MYO18A: variants seen among roughly 807,000 people sequenced by gnomAD.
MYO18A encodes the protein myosin XVIIIA.
Under a neutral mutation model 235.8 loss-of-function variants are expected in MYO18A, and 78 were observed. The observed-to-expected ratio is 0.33, with a 90% CI of 0.28 to 0.40. MYO18A has a LOEUF of 0.40. Ranked by LOEUF, MYO18A falls within the 10% of genes least tolerant of loss-of-function variation. The pLI, the probability that MYO18A is intolerant of heterozygous loss-of-function variation, is 1.00. For missense variants in MYO18A, 2,215 were observed against 2,699.3 expected (o/e 0.82, Z 3.98); for synonymous variants, 977 against 1,077.8 (o/e 0.91, Z 1.83).
intron 2 of MYO18A, among the ~76,000 whole-genome samples, chr17:29,137,651 G>T (rs1181841176): frequency 1.3e-5 from 2 of 152,150 alleles, no homozygotes; most frequent in Non-Finnish European, 2.9e-5. Context: ...CTCCAAATTG[G>T]AAAGAGCCCA....
Position 29,118,503 on chromosome 17 carries a change from A to C in MYO18A, c.1830-63T>G. 5 of 1,465,830 alleles carry C rather than the reference A, an allele frequency of 3.4e-6. No individual in the cohort carries two copies. Among genetic ancestry groups the C allele is most frequent in the Non-Finnish European group, 4.7e-6 (5 of 1,061,118 alleles). 90.8% of individuals were successfully genotyped at this position (1,465,830 alleles called of 1,614,324 possible). On this transcript the variant is annotated intron_variant, in intron 8 of 41. Coordinates refer to ENST00000527372, the MANE Select transcript of MYO18A (RefSeq NM_078471.4). The surrounding 1 kb of genome is among the most constrained non-coding windows in gnomAD (Gnocchi z 4.2). ...CCCCATGCCAAGGCCATTTCCGCCC[A>C]GGGTGGAGACAGACAGACTCAGCTT...
intron 2 of MYO18A, among the ~76,000 whole-genome samples, chr17:29,143,186 A>G (rs1355713843): frequency 1.3e-5 from 2 of 152,218 alleles, no homozygotes; most frequent in African/African-American, 4.8e-5. Context: ...GGGTTAAAAG[A>G]ATTAGTTCAT....
At chr17:29,136,248 A>T (rs867891442) in intron 2 of MYO18A, among the ~76,000 whole-genome samples, 179 of 74,580 alleles carry the variant, frequency 2.4e-3, no homozygotes, top group African/African-American at 4.4e-3. Flanking sequence ...AAAAAAAAAA[A>T]AAATATATAT....
At chr17:29,090,735 G>A in intron 35 of MYO18A, 75 bp downstream of exon 35, 2 of 1,534,654 alleles carry the variant, frequency 1.3e-6, no homozygotes, top group Non-Finnish European at 1.8e-6. Flanking sequence ...ACAAGCGGTT[G>A]TGCGGGGGAC....
Position 29,074,053 on chromosome 17 carries a change from T to A in MYO18A, c.*717A>T, listed in dbSNP as rs2065921757. ...CGGATGGTCCACACACACACTTGTC[T>A]GCGTAGGCTTGCTCAACCCAGCCCA... is the stretch of plus-strand genomic sequence containing the variant. On this transcript the variant is annotated 3_prime_UTR_variant, in exon 42 of 42. Transcript: ENST00000527372. This position sits in a 1 kb window ranked among gnomAD's most constrained non-coding sequence, Gnocchi z 4.4. 3 of 1,613,962 alleles carry A rather than the reference T, an allele frequency of 1.9e-6. No individual in the cohort carries two copies. The African/African-American group carries it at 4.0e-5, about 22-fold the overall frequency.
intron 34 of MYO18A, chr17:29,091,962 A>G (rs1179471629): frequency 6.2e-6 from 2 of 322,658 alleles, no homozygotes; most frequent in African/African-American, 2.1e-5. Context: ...GGGCAGGGGG[A>G]AGGGGAAGGA....
At position 29,110,445 on chromosome 17, in the gene MYO18A, C is replaced by T. The variant is rs1262403692; in HGVS notation, c.3078G>A (p.Lys1026=). Reference sequence around the variant, plus strand: ...CCCGGCTGGCACTCACCACCTGTAGCTTCATCTGGATGCACAGTGACTTCT... The same window carrying T: ...CCCGGCTGGCACTCACCACCTGTAGTTTCATCTGGATGCACAGTGACTTCT... ...VKKKSLCIQM[K]LQVDALIDTI... Residue 1026 remains lysine, a synonymous_variant, in exon 18 of 42, where the codon AAG becomes AAA. Coordinates refer to ENST00000527372, the MANE Select transcript of MYO18A (RefSeq NM_078471.4). 8 of 1,587,730 alleles carry T rather than the reference C, an allele frequency of 5.0e-6. No individual in the cohort carries two copies. Among genetic ancestry groups the T allele is most frequent in the Non-Finnish European group, 6.9e-6 (8 of 1,167,502 alleles).
At chr17:29,127,699 C>T (rs907058174) in intron 2 of MYO18A, among the ~76,000 whole-genome samples, 2 of 152,376 alleles carry the variant, frequency 1.3e-5, no homozygotes, top group African/African-American at 4.8e-5. Flanking sequence ...GAAAGCCATG[C>T]AGCCCCTGCC....
At chr17:29,178,788 A>G (rs2068587892) in intron 1 of MYO18A, among the ~76,000 whole-genome samples, 1 of 152,202 alleles carries the variant, frequency 6.6e-6, no homozygotes, top group African/African-American at 2.4e-5. Flanking sequence ...CAGGGCACCA[A>G]CCTGCTCAAG....
In MYO18A at chr17:29,180,113, C is replaced by T. The variant is rs1461126110; in HGVS notation, c.-82+200G>A. Among the ~76,000 whole-genome samples, 1 of 151,996 alleles carries T rather than the reference C, an allele frequency of 6.6e-6. No homozygotes were observed. Among genetic ancestry groups the T allele is most frequent in the Non-Finnish European group, 1.5e-5 (1 of 67,918 alleles). On this transcript the variant is annotated intron_variant, in intron 1 of 41. Transcript: ENST00000527372. This position sits in a 1 kb window ranked among gnomAD's most constrained non-coding sequence, Gnocchi z 6.1. ...CCCCGCCGCTCCCGATCGGCCCCCACCCCCGGGCGTCGAGCTCCACGGCGC... is the reference window on the plus strand; with the variant it reads ...CCCCGCCGCTCCCGATCGGCCCCCATCCCCGGGCGTCGAGCTCCACGGCGC...
Position 29,074,122 on chromosome 17 carries a change from G to A in MYO18A, c.*648C>T, listed in dbSNP as rs577219732. 4 of 1,613,974 alleles carry A rather than the reference G, an allele frequency of 2.5e-6. No individual in the cohort carries two copies. Among genetic ancestry groups the A allele is most frequent in the Middle Eastern group, 1.6e-4 (1 of 6,062 alleles). ...TCCGCACCTCATTCTTAAGAACCTG[G>A]ACCCGGCTCTCCTCACCAGCGTCTC... On this transcript the variant is annotated 3_prime_UTR_variant, in exon 42 of 42. Transcript: ENST00000527372. The surrounding 1 kb of genome is among the most constrained non-coding windows in gnomAD (Gnocchi z 4.4).
chr17:29,173,891 C>T (rs1469043346), intron 1 of MYO18A, among the ~76,000 whole-genome samples: 1 of 152,170 alleles, frequency 6.6e-6, no homozygotes, highest in Non-Finnish European at 1.5e-5. Flanking sequence ...CCTGTCTTAG[C>T]CTCCTGAGTA....
In MYO18A at chr17:29,121,900, A is replaced by C. The variant is rs1293469164; in HGVS notation, c.1145T>G (p.Leu382Arg). 6.2e-7 allele frequency: 1 copy of C among 1,613,822 alleles called. No homozygotes were observed. Among genetic ancestry groups the C allele is most frequent in the South Asian group, 1.1e-5 (1 of 91,070 alleles). The stretch of plus-strand genomic sequence containing the variant: ...ATCCAGGATGGCCCCATCGTGGTCC[A>C]GCTTCACACGCACCTTCCCCTCAGG... ...NLPEGKVRVK[L>R]DHDGAILDVD... is the part of the protein sequence containing the mutation. The change falls in exon 4 of 42, where the codon CTG (leucine) becomes CGG (arginine). Residue 382 changes from leucine to arginine, a missense_variant. Leu to Arg is a moderately radical substitution (Grantham distance 102, BLOSUM62 -2). Coordinates refer to ENST00000527372, the MANE Select transcript of MYO18A (RefSeq NM_078471.4). This position sits in a 1 kb window ranked among gnomAD's most constrained non-coding sequence, Gnocchi z 4.2.
At chr17:29,141,953 G>GT (rs1002270964) in intron 2 of MYO18A, among the ~76,000 whole-genome samples, 33 of 151,226 alleles carry the variant, frequency 2.2e-4, no homozygotes, top group East Asian at 9.7e-4. Flanking sequence ...TTTTGTTTTT[G>GT]TTTTTTTTTG....
At chr17:29,094,210 C>A in intron 30 of MYO18A, 120 bp from the exon 31 acceptor site, 2 of 703,994 alleles carry the variant, frequency 2.8e-6, no homozygotes, top group Non-Finnish European at 4.8e-6. Flanking sequence ...GTTCCCTTTG[C>A]TGGCACCTTG....
In MYO18A at chr17:29,095,003, C is replaced by T. The variant is rs777250401; in HGVS notation, c.4442G>A (p.Arg1481Gln). 11 of 1,581,314 alleles carry T rather than the reference C, an allele frequency of 7.0e-6. No homozygotes were observed. The highest frequency in any genetic ancestry group is 5.5e-5 in the Admixed American group (3 of 54,592). The change falls in exon 29 of 42, where the codon CGG becomes CAG. Residue 1481 changes from arginine to glutamine, a missense_variant. By Grantham distance (43) the Arg-to-Gln change is conservative. Transcript: ENST00000527372. ...GTCCTTCTCCCGCTGCAGCTTCTCC[C>T]GCTGCAGCTTCTCCCGCTGGGCCTC... is the stretch of plus-strand genomic sequence containing the variant. ...HEEAQREKLQ[R>Q]EKLQREKDML...
chr17:29,145,748 A>C (rs886809300), intron 2 of MYO18A, among the ~76,000 whole-genome samples: 1 of 152,240 alleles, frequency 6.6e-6, no homozygotes, highest in African/African-American at 2.4e-5. Context: ...ACAGATCAGC[A>C]GAGGAGATAA....
intron 41 of MYO18A, chr17:29,080,952 C>T (rs2066106222): frequency 2.0e-6 from 2 of 985,420 alleles, no homozygotes; most frequent in Non-Finnish European, 2.4e-6. Flanking sequence ...TCAGGGAGCT[C>T]ACCACCGAGG....
intron 2 of MYO18A, chr17:29,128,099 T>C: frequency 1.9e-6 from 2 of 1,050,208 alleles, no homozygotes; most frequent in Non-Finnish European, 2.3e-6. Context: ...CTTGTGCTCC[T>C]TGCCCCTGCC....
Sources: gnomAD v4.1 joint callset for allele counts (sites outside exome capture counted in the v4.1 genomes callset) on GRCh38, gnomAD v4.1.1 for gene constraint, Gnocchi (gnomAD v3.1) non-coding constraint, MANE v1.5 for transcripts, NCBI Gene and HGNC (gene_info 2026-07-23, HGNC 2026-07-21) for gene names.